The following CCDC178 variants were observed in gnomAD, a reference collection of about 807,000 sequenced individuals.
The protein encoded by CCDC178 is coiled-coil domain containing 178.
CCDC178 carries 126 observed loss-of-function variants against 117.4 expected under a neutral mutation model. That is an observed-to-expected ratio of 1.07 (90% CI 0.93 to 1.24). CCDC178 has a LOEUF of 1.24. CCDC178 is among the 50% of genes most tolerant of loss of function. The pLI, the probability that CCDC178 is intolerant of heterozygous loss-of-function variation, is 0.00. For synonymous variants in CCDC178, 283 were observed against 313.4 expected (o/e 0.90, Z 1.02); for missense variants, 1,030 against 986.9 (o/e 1.04, Z -0.59).
At chr18:33,176,271 C>A (rs72945365) in intron 20 of CCDC178, among the ~76,000 whole-genome samples, 7,751 of 152,180 alleles carry the variant, frequency 0.051, 303 homozygotes, top group East Asian at 0.11. Flanking sequence ...TAGAGTGCTT[C>A]GGCTTCCTCA....
chr18:33,166,055 C>A (rs1382561178), intron 20 of CCDC178, among the ~76,000 whole-genome samples: 1 of 152,108 alleles, frequency 6.6e-6, no homozygotes, highest in Non-Finnish European at 1.5e-5. Context: ...GCAGTTGTAT[C>A]CACCATTGTT....
At chr18:33,384,366 C>T (rs2063471368) in intron 5 of CCDC178, among the ~76,000 whole-genome samples, 1 of 152,170 alleles carries the variant, frequency 6.6e-6, no homozygotes, top group South Asian at 2.1e-4. Flanking sequence ...CCAGAGAACT[C>T]CAGCAAGATA....
In CCDC178 at chr18:33,347,528, A is replaced by G. The variant is rs769882865; in HGVS notation, c.458-1117T>C. 7.3e-4 allele frequency among the ~76,000 whole-genome samples: 111 copies of G among 152,216 alleles called. 1 individual carries two copies. The Middle Eastern group carries it at 0.014, about 19-fold the overall frequency. The stretch of plus-strand genomic sequence containing the variant: ...CTGGTCCTTTATTTGGCATCTTTGA[A>G]TCTATTGTTTTCTTTTGTCAAATTC... On this transcript the variant is annotated intron_variant, in intron 8 of 22. Coordinates refer to ENST00000383096, the MANE Select transcript of CCDC178 (RefSeq NM_001105528.4).
At chr18:33,121,963 T>C (rs1161180580) in intron 20 of CCDC178, among the ~76,000 whole-genome samples, 5 of 152,126 alleles carry the variant, frequency 3.3e-5, no homozygotes, top group African/African-American at 1.2e-4. Flanking sequence ...TAACATGCTG[T>C]ACAGGTTTGT....
intron 2 of CCDC178, among the ~76,000 whole-genome samples, chr18:33,432,559 G>T (rs2064235954): frequency 6.6e-6 from 1 of 150,908 alleles, no homozygotes; most frequent in South Asian, 2.1e-4. Context: ...AATACCCCGT[G>T]ATGCTCTTCC....
chr18:33,142,341 C>T (rs1047841041), intron 20 of CCDC178, among the ~76,000 whole-genome samples: 6 of 152,144 alleles, frequency 3.9e-5, no homozygotes, highest in African/African-American at 1.2e-4. Flanking sequence ...CATGGAAAGC[C>T]CCTCCATGGC....
At chr18:33,397,287 A>G (rs892063189) in intron 3 of CCDC178, 79 bp from the exon 4 acceptor site, 5 of 914,942 alleles carry the variant, frequency 5.5e-6, no homozygotes, top group Non-Finnish European at 8.6e-6. Flanking sequence ...ACTAGTAAGG[A>G]TACGGGAAGA....
chr18:33,121,061 G>C (rs2057930371), intron 20 of CCDC178, among the ~76,000 whole-genome samples: 1 of 152,104 alleles, frequency 6.6e-6, no homozygotes, highest in African/African-American at 2.4e-5. Context: ...AACTTTGCTA[G>C]TCTTCATTCC....
intron 12 of CCDC178, among the ~76,000 whole-genome samples, chr18:33,281,412 T>C (rs576631192): frequency 1.3e-5 from 2 of 152,236 alleles, no homozygotes; most frequent in Non-Finnish European, 1.5e-5. Context: ...TGAAACAATA[T>C]AATCACTAAG....
intron 9 of CCDC178, among the ~76,000 whole-genome samples, chr18:33,345,419 A>G (rs938593408): frequency 6.6e-6 from 1 of 152,168 alleles, no homozygotes; most frequent in Non-Finnish European, 1.5e-5. Context: ...ACCTTTCGTT[A>G]AAGGTAAAAC....
At chr18:33,338,664 T>C (rs2144650647) in intron 9 of CCDC178, among the ~76,000 whole-genome samples, 1 of 152,186 alleles carries the variant, frequency 6.6e-6, no homozygotes, top group Middle Eastern at 3.4e-3. Context: ...CCAAATATCG[T>C]ATGTTCTCAC....
intron 4 of CCDC178, among the ~76,000 whole-genome samples, chr18:33,394,002 T>A (rs1002545007): frequency 2.0e-5 from 3 of 151,864 alleles, no homozygotes; most frequent in Middle Eastern, 3.2e-3. Context: ...TGTTAGAAAA[T>A]TTTTTTTCAC....
intron 18 of CCDC178, among the ~76,000 whole-genome samples, chr18:33,222,591 C>T (rs760429656): frequency 2.6e-5 from 4 of 151,996 alleles, no homozygotes; most frequent in African/African-American, 7.2e-5. Flanking sequence ...CTAATCCCAA[C>T]GAGCTCTCAT....
At chr18:33,252,798 C>A (rs1282337778) in intron 14 of CCDC178, among the ~76,000 whole-genome samples, 1 of 151,674 alleles carries the variant, frequency 6.6e-6, no homozygotes, top group Non-Finnish European at 1.5e-5. Flanking sequence ...CCTCAATTAC[C>A]AACCCCATCT....
chr18:33,166,818 G>T (rs1252095245), intron 20 of CCDC178, among the ~76,000 whole-genome samples: 1 of 152,128 alleles, frequency 6.6e-6, no homozygotes, highest in Admixed American at 6.6e-5. Flanking sequence ...ACATGTGCAG[G>T]TTTGTTATAT....
chr18:33,359,433 T>C (rs2063098089), intron 6 of CCDC178, among the ~76,000 whole-genome samples: 1 of 151,678 alleles, frequency 6.6e-6, no homozygotes, highest in Non-Finnish European at 1.5e-5. Context: ...GCAAAATTTC[T>C]GGTACCTAGC....
chr18:33,367,534 T>A (rs1366130696), intron 6 of CCDC178, among the ~76,000 whole-genome samples: 1 of 151,996 alleles, frequency 6.6e-6, no homozygotes, highest in Non-Finnish European at 1.5e-5. Context: ...TTACCAACAT[T>A]TTTTGGTAAT....
chr18:33,313,555 C>A (rs1282527744), intron 11 of CCDC178, among the ~76,000 whole-genome samples: 2 of 152,092 alleles, frequency 1.3e-5, no homozygotes, highest in African/African-American at 2.4e-5. Flanking sequence ...CATTGCAGGC[C>A]ATTTTTTTAA....
chr18:33,431,196 T>TTA (rs2064214624), intron 2 of CCDC178, among the ~76,000 whole-genome samples: 1 of 148,032 alleles, frequency 6.8e-6, no homozygotes, highest in East Asian at 1.9e-4. Flanking sequence ...TTTAACTTTT[T>TTA]TTTTTTTTTT....
Sources: gnomAD v4.1 joint callset for allele counts (sites outside exome capture counted in the v4.1 genomes callset) on GRCh38, gnomAD v4.1.1 for gene constraint, MANE v1.5 for transcripts, NCBI Gene and HGNC (gene_info 2026-07-23, HGNC 2026-07-21) for gene names.